The following SPAG17 variants were observed in gnomAD, a reference collection of about 807,000 sequenced individuals.
The protein encoded by SPAG17 is sperm associated antigen 17.
A neutral mutation model predicts 273.6 loss-of-function variants in SPAG17; 169 were observed. That is an observed-to-expected ratio of 0.62 (90% CI 0.55 to 0.70). The LOEUF (loss-of-function observed/expected upper bound fraction) is 0.70, where lower values mean the gene tolerates loss of function less well. Ranked by LOEUF, SPAG17 falls within the 30% of genes least tolerant of loss-of-function variation. SPAG17 has a pLI of 0.00. For missense variants in SPAG17, 2,557 were observed against 2,627.8 expected, an observed-to-expected ratio of 0.97 and a Z score of 0.59; for synonymous variants, 825 against 873.2, an observed-to-expected ratio of 0.94 and a Z score of 0.97.
intron 1 of SPAG17, among the ~76,000 whole-genome samples, chr1:118,173,722 T>G (rs1018194670): frequency 2.6e-5 from 4 of 151,726 alleles, no homozygotes; most frequent in Non-Finnish European, 4.4e-5. Context: ...ATTAGCTGGG[T>G]GTGGTGGCAT....
At chr1:118,105,578 G>A (rs543253605) in intron 4 of SPAG17, among the ~76,000 whole-genome samples, 21 of 152,264 alleles carry the variant, frequency 1.4e-4, no homozygotes, top group African/African-American at 4.3e-4. Context: ...AATAGCAGGA[G>A]AGGACAATGA....
At chr1:118,077,651 T>C (rs1557993213) in intron 15 of SPAG17, among the ~76,000 whole-genome samples, 1 of 152,120 alleles carries the variant, frequency 6.6e-6, no homozygotes, top group Non-Finnish European at 1.5e-5. Flanking sequence ...TGTAGTCCCA[T>C]AGGATACACT....
chr1:118,124,844 T>G (rs1657618449), intron 3 of SPAG17, among the ~76,000 whole-genome samples: 1 of 152,174 alleles, frequency 6.6e-6, no homozygotes, highest in South Asian at 2.1e-4. Context: ...CTGTTTCTAG[T>G]CAACATATTG....
chr1:118,116,594 G>A (rs577323002), intron 3 of SPAG17, among the ~76,000 whole-genome samples: 21 of 152,174 alleles, frequency 1.4e-4, no homozygotes, highest in African/African-American at 4.1e-4. Flanking sequence ...TTGTTACTTC[G>A]CCAAGGGAAA....
At chr1:118,128,116 A>C (rs1419199098) in intron 3 of SPAG17, among the ~76,000 whole-genome samples, 1 of 151,446 alleles carries the variant, frequency 6.6e-6, no homozygotes, top group Non-Finnish European at 1.5e-5. Flanking sequence ...GCAAGATTCC[A>C]TTTCAAAAAG....
In SPAG17 at chr1:117,954,068, A is replaced by G. The variant is rs1002776945; in HGVS notation, c.*1-19T>C. 1 of 1,612,610 alleles carries G rather than the reference A, an allele frequency of 6.2e-7. No homozygotes were observed. Among genetic ancestry groups the G allele is most frequent in the Non-Finnish European group, 8.5e-7 (1 of 1,178,908 alleles). On this transcript the variant is annotated intron_variant, in intron 48 of 48. Coordinates refer to ENST00000336338, the MANE Select transcript of SPAG17 (RefSeq NM_206996.4). ...GAAGAAACTGCAAAAATGAAGGAACACAAAGCCATTTGTAAAGCTGCAGGG... is the reference window on the plus strand; with the variant it reads ...GAAGAAACTGCAAAAATGAAGGAACGCAAAGCCATTTGTAAAGCTGCAGGG...
chr1:118,141,798 A>G (rs1209198342), intron 3 of SPAG17, among the ~76,000 whole-genome samples: 1 of 152,204 alleles, frequency 6.6e-6, no homozygotes, highest in African/African-American at 2.4e-5. Context: ...TTTATTTTAG[A>G]AATGGTTACT....
intron 1 of SPAG17, among the ~76,000 whole-genome samples, chr1:118,163,945 T>C (rs577007476): frequency 3.3e-5 from 5 of 152,174 alleles, no homozygotes; most frequent in Non-Finnish European, 7.4e-5. Context: ...CCAAGGTGTT[T>C]GTATGTTGGG....
chr1:118,034,718 T>C (rs956468100), intron 24 of SPAG17, among the ~76,000 whole-genome samples: 8 of 152,114 alleles, frequency 5.3e-5, no homozygotes, highest in African/African-American at 1.9e-4. Context: ...ACAGAAATAA[T>C]AGGGTAGGAA....
intron 25 of SPAG17, among the ~76,000 whole-genome samples, chr1:118,030,536 CTA>C: frequency 6.6e-6 from 1 of 152,156 alleles, no homozygotes; most frequent in East Asian, 1.9e-4. Context: ...AAGCCGACAT[CTA>C]TGTTTTAAGC....
chr1:118,102,636 T>C (rs1220688441), intron 4 of SPAG17, among the ~76,000 whole-genome samples: 3 of 152,216 alleles, frequency 2.0e-5, no homozygotes, highest in South Asian at 2.1e-4. Context: ...TAGATTGGCA[T>C]GTACCATGTA....
intron 23 of SPAG17, among the ~76,000 whole-genome samples, chr1:118,037,285 A>C (rs769993789): frequency 1.3e-5 from 2 of 152,234 alleles, no homozygotes; most frequent in Non-Finnish European, 2.9e-5. Flanking sequence ...TAAAAGTTTA[A>C]AGAATTTAAA....
rs376568261 is a variant in SPAG17, at chr1:117,957,065, C to T, written c.*1-3016G>A. The stretch of plus-strand genomic sequence containing the variant: ...ATTTTTATATTTATTTTTTCTTTTT[C>T]AGTGAGCTGGAAGAATCTCTACTTG... On this transcript the variant is annotated intron_variant, in intron 48 of 48. Transcript: ENST00000336338. The T allele has an allele frequency of 9.0e-5, 139 of 1,550,894 alleles. 1 individual carries two copies. In the Middle Eastern group the frequency reaches 2.9e-3, roughly 33 times the overall value.
At chr1:118,063,245 A>G (rs541996069) in intron 18 of SPAG17, among the ~76,000 whole-genome samples, 51 of 152,334 alleles carry the variant, frequency 3.3e-4, no homozygotes, top group African/African-American at 1.2e-3. Context: ...TTTAAAGTTC[A>G]TATGGAACCA....
rs542352146 is a variant in SPAG17, at chr1:118,180,836, T to TA, written c.87+4234dup. The stretch of plus-strand genomic sequence containing the variant: ...CTATAAAAAATATAAATTTCTTTGG[T>TA]AAAAAAATGCATGGACAAATTTATT... On this transcript the variant is annotated intron_variant, in intron 1 of 48. Transcript: ENST00000336338. Among the ~76,000 whole-genome samples the TA allele has an allele frequency of 3.0e-3, 457 of 152,098 alleles. 3 individuals carry two copies. The highest frequency in any genetic ancestry group is 0.01 in the African/African-American group (436 of 41,564).
intron 20 of SPAG17, 122 bp downstream of exon 20, chr1:118,053,880 G>A (rs1651348419): frequency 1.6e-6 from 1 of 632,936 alleles, no homozygotes; most frequent in African/African-American, 1.8e-5. Context: ...CAGCTTCCAG[G>A]AAGCCATCTT....
intron 26 of SPAG17, among the ~76,000 whole-genome samples, chr1:118,027,831 T>C (rs1647930288): frequency 6.6e-6 from 1 of 152,158 alleles, no homozygotes; most frequent in Non-Finnish European, 1.5e-5. Context: ...CATCTATCTC[T>C]ATGTACTTTG....
chr1:118,101,929 G>A lies in SPAG17; in HGVS notation c.448-3C>T, dbSNP rs759834888. On this transcript the variant is annotated splice_polypyrimidine_tract_variant and splice_region_variant and intron_variant, in intron 4 of 48. Transcript: ENST00000336338. ...AACTTAGGTTTGTCTTCTATTACCT[G>A]GAATGAGAGAACACTTTTTTCTCCA... The A allele has an allele frequency of 7.5e-6, 12 of 1,606,242 alleles. No homozygotes were observed. The highest frequency in any genetic ancestry group is 1.1e-5 in the South Asian group (1 of 89,260).
intron 5 of SPAG17, among the ~76,000 whole-genome samples, chr1:118,100,315 A>G (rs765271684): frequency 3.3e-5 from 5 of 152,206 alleles, no homozygotes; most frequent in Non-Finnish European, 7.3e-5. Context: ...TGTAGTAACT[A>G]TGTATTTATT....
Sources: allele counts gnomAD v4.1 joint callset (sites outside exome capture counted in the v4.1 genomes callset), GRCh38; gene constraint gnomAD v4.1.1; transcripts MANE v1.5; gene names NCBI Gene and HGNC (gene_info 2026-07-23, HGNC 2026-07-21).